NEGR1: variants seen among roughly 807,000 people sequenced by gnomAD.
The protein encoded by NEGR1 is neuronal growth regulator 1, also known as IgLON family member 4.
Under a neutral mutation model 40.9 loss-of-function variants are expected in NEGR1, and 10 were observed. The ratio of observed to expected loss-of-function variants is 0.24; its 90% CI spans 0.15 to 0.42. NEGR1 has a LOEUF of 0.42. Ranked by LOEUF, NEGR1 falls within the 10% of genes least tolerant of loss-of-function variation. The probability of loss-of-function intolerance (pLI) is 1.00; values close to 1 mark genes in which losing one functional copy is unlikely to be tolerated. For synonymous variants in NEGR1, 185 were observed against 166.8 expected (o/e 1.11, Z -0.84); for missense variants, 352 against 438.9 (o/e 0.80, Z 1.77).
intron 2 of NEGR1, among the ~76,000 whole-genome samples, chr1:71,883,766 C>A (rs912916533): frequency 2.1e-5 from 3 of 139,920 alleles, no homozygotes; most frequent in African/African-American, 7.9e-5. Flanking sequence ...TGATGTTCCC[C>A]ATCCTGTATC....
chr1:72,257,537 C>T (rs1655315754), intron 1 of NEGR1, among the ~76,000 whole-genome samples: 1 of 152,076 alleles, frequency 6.6e-6, no homozygotes, highest in Middle Eastern at 3.4e-3. Flanking sequence ...GTCTCAAATG[C>T]CCCTCCTCCA....
intron 2 of NEGR1, among the ~76,000 whole-genome samples, chr1:71,844,858 C>G (rs1659353547): frequency 6.6e-6 from 1 of 152,122 alleles, no homozygotes. Context: ...TCTTGTCTTC[C>G]TAGACATCCT....
intron 2 of NEGR1, among the ~76,000 whole-genome samples, chr1:71,777,549 A>T (rs1656555114): frequency 6.6e-6 from 1 of 152,136 alleles, no homozygotes; most frequent in Non-Finnish European, 1.5e-5. Flanking sequence ...CAGCACAAAT[A>T]TAAATAAATA....
At chr1:72,251,004 C>A (rs1401126996) in intron 1 of NEGR1, among the ~76,000 whole-genome samples, 1 of 152,182 alleles carries the variant, frequency 6.6e-6, no homozygotes, top group African/African-American at 2.4e-5. Flanking sequence ...AATTTATGAA[C>A]TCATGAATTC....
intron 1 of NEGR1, among the ~76,000 whole-genome samples, chr1:72,059,353 A>T (rs1564969): frequency 6.6e-6 from 1 of 151,518 alleles, no homozygotes; most frequent in African/African-American, 2.4e-5. Context: ...CTTTTTAAAA[A>T]ATATCTTCTG....
At chr1:71,641,521 C>T (rs1191913966) in intron 4 of NEGR1, among the ~76,000 whole-genome samples, 1 of 151,958 alleles carries the variant, frequency 6.6e-6, no homozygotes, top group Non-Finnish European at 1.5e-5. Context: ...GTTTTATTTG[C>T]AACCAAATGA....
chr1:71,806,902 T>C (rs1451652775), intron 2 of NEGR1, among the ~76,000 whole-genome samples: 5 of 147,920 alleles, frequency 3.4e-5, no homozygotes, highest in Non-Finnish European at 7.5e-5. Context: ...TTTTTTGTTT[T>C]TTTTTTTTGA....
At chr1:72,066,875 T>G (rs1389843937) in intron 1 of NEGR1, among the ~76,000 whole-genome samples, 1 of 152,138 alleles carries the variant, frequency 6.6e-6, no homozygotes, top group Non-Finnish European at 1.5e-5. Context: ...AACTAAAGAT[T>G]GAAAGAGAAG....
intron 1 of NEGR1, among the ~76,000 whole-genome samples, chr1:72,029,519 G>A (rs1646839628): frequency 6.6e-6 from 1 of 152,142 alleles, no homozygotes; most frequent in Non-Finnish European, 1.5e-5. Flanking sequence ...ATCCAGTATT[G>A]TGTGCCTGTA....
chr1:71,761,473 T>C (rs1655938956), intron 3 of NEGR1, among the ~76,000 whole-genome samples: 1 of 152,202 alleles, frequency 6.6e-6, no homozygotes, highest in South Asian at 2.1e-4. Context: ...TAAAATCTCC[T>C]ACTTTGGAAA....
chr1:71,950,539 A>G (rs1324870151), intron 1 of NEGR1, among the ~76,000 whole-genome samples: 1 of 151,916 alleles, frequency 6.6e-6, no homozygotes, highest in Non-Finnish European at 1.5e-5. Context: ...TGCTTTCTCT[A>G]TAGTTCTCTA....
intron 1 of NEGR1, among the ~76,000 whole-genome samples, chr1:71,988,373 A>T (rs1646418369): frequency 6.6e-6 from 1 of 151,964 alleles, no homozygotes; most frequent in Admixed American, 6.6e-5. Flanking sequence ...CCCCGTCTCT[A>T]CTAAAAATAC....
chr1:71,764,441 T>G (rs1387627006), intron 3 of NEGR1, among the ~76,000 whole-genome samples: 1 of 152,242 alleles, frequency 6.6e-6, no homozygotes, highest in East Asian at 1.9e-4. Context: ...AATGACTTAT[T>G]ACTTGCAGTT....
At chr1:72,179,274 G>A (rs1352534892) in intron 1 of NEGR1, among the ~76,000 whole-genome samples, 1 of 151,592 alleles carries the variant, frequency 6.6e-6, no homozygotes, top group Admixed American at 6.6e-5. Context: ...TTTCCCCATT[G>A]CTTTTTTTTG....
intron 6 of NEGR1, among the ~76,000 whole-genome samples, chr1:71,500,936 G>A (rs780160638): frequency 1.1e-4 from 17 of 151,676 alleles, no homozygotes; most frequent in Non-Finnish European, 1.6e-4. Flanking sequence ...TTTATCTGGG[G>A]TTTATTGACT....
chr1:71,743,454 T>G (rs1383406541), intron 3 of NEGR1, among the ~76,000 whole-genome samples: 2 of 152,074 alleles, frequency 1.3e-5, no homozygotes, highest in East Asian at 1.9e-4. Flanking sequence ...TCCACTAAAA[T>G]TTTTATAACT....
intron 1 of NEGR1, among the ~76,000 whole-genome samples, chr1:72,097,991 T>A (rs1481914249): frequency 6.6e-6 from 1 of 152,196 alleles, no homozygotes; most frequent in Non-Finnish European, 1.5e-5. Context: ...CTGAAGCAAA[T>A]CTGGCTCCTG....
At chr1:71,810,461 A>C (rs373998660) in intron 2 of NEGR1, among the ~76,000 whole-genome samples, 8 of 152,258 alleles carry the variant, frequency 5.3e-5, no homozygotes, top group African/African-American at 1.9e-4. Context: ...AAAGAGTATT[A>C]ATACTGTAAT....
intron 6 of NEGR1, among the ~76,000 whole-genome samples, chr1:71,527,731 T>A (rs985914067): frequency 6.7e-6 from 1 of 149,458 alleles, no homozygotes; most frequent in Admixed American, 6.7e-5. Context: ...CTATTGACAA[T>A]TGGACTTTTT....
Sources: gnomAD v4.1 joint callset for allele counts (sites outside exome capture counted in the v4.1 genomes callset) on GRCh38, gnomAD v4.1.1 for gene constraint, MANE v1.5 for transcripts, NCBI Gene and HGNC (gene_info 2026-07-23, HGNC 2026-07-21) for gene names.